PDE1A: variants seen among roughly 807,000 people sequenced by gnomAD.
The protein encoded by PDE1A is dual specificity calcium/calmodulin-dependent 3',5'-cyclic nucleotide phosphodiesterase 1A.
Under a neutral mutation model 61.7 loss-of-function variants are expected in PDE1A, and 35 were observed. The ratio of observed to expected loss-of-function variants is 0.57; its 90% CI spans 0.43 to 0.75. The LOEUF (loss-of-function observed/expected upper bound fraction) is 0.75. Ranked by LOEUF, PDE1A falls within the 30% of genes least tolerant of loss-of-function variation. The probability of loss-of-function intolerance (pLI) is 0.00; values close to 1 mark genes in which losing one functional copy is unlikely to be tolerated. For missense variants in PDE1A, 597 were observed against 630.6 expected, an observed-to-expected ratio of 0.95 and a Z score of 0.57; for synonymous variants, 232 against 213.2, an observed-to-expected ratio of 1.09 and a Z score of -0.77.
Position 182,318,731 on chromosome 2 carries a change from T to C in PDE1A, c.54-54317A>G, listed in dbSNP as rs574248755. 5.9e-5 allele frequency among the ~76,000 whole-genome samples: 9 copies of C among 152,284 alleles called. No individual in the cohort carries two copies. In the South Asian group the frequency reaches 1.5e-3, roughly 25 times the overall value. ...GGAAAGGAATAGCTTTGCAGCAACATGATAATTCTCTGTGACTTCTAAAAT... is the reference window on the plus strand; with the variant it reads ...GGAAAGGAATAGCTTTGCAGCAACACGATAATTCTCTGTGACTTCTAAAAT... On this transcript the variant is annotated intron_variant, in intron 1 of 13. Transcript: ENST00000351439.
rs115602789 is a variant in PDE1A at position 182,500,737 on chromosome 2, G to A, written c.101+21539C>T. Among the ~76,000 whole-genome samples, 506 of 152,188 alleles carry A rather than the reference G, an allele frequency of 3.3e-3. 8 individuals are homozygous for A. The highest frequency in any genetic ancestry group is 0.012 in the African/African-American group (484 of 41,536). ...AAAACAGAAGATTCCATTTCCAAAA[G>A]GCCAAAAGTAGATGTAAAATCTATC... On this transcript the variant is annotated intron_variant, in intron 2 of 14. Transcript: ENST00000410103.
intron 2 of PDE1A, among the ~76,000 whole-genome samples, chr2:182,515,708 C>T (rs1346452518): frequency 6.6e-6 from 1 of 152,164 alleles, no homozygotes. Context: ...CAGTCACATA[C>T]TGAACAACAT....
intron 2 of PDE1A, among the ~76,000 whole-genome samples, chr2:182,477,696 A>G (rs1237644682): frequency 1.3e-5 from 2 of 151,948 alleles, no homozygotes; most frequent in African/African-American, 4.8e-5. Flanking sequence ...AGACATAGAG[A>G]GCATTATCAC....
chr2:182,565,398 G>T, the PDE1A span, among the ~76,000 whole-genome samples: 1 of 152,162 alleles, frequency 6.6e-6, no homozygotes, highest in Non-Finnish European at 1.5e-5. Flanking sequence ...GCTGCTGTCT[G>T]ATTGTTCCTC....
chr2:182,479,110 A>G (rs1170413393), intron 2 of PDE1A, among the ~76,000 whole-genome samples: 1 of 151,928 alleles, frequency 6.6e-6, no homozygotes, highest in Non-Finnish European at 1.5e-5. Flanking sequence ...AAATGCAAAT[A>G]TATGTGAATA....
At chr2:182,457,843 G>A (rs1226048796) in intron 2 of PDE1A, among the ~76,000 whole-genome samples, 1 of 151,984 alleles carries the variant, frequency 6.6e-6, no homozygotes, top group East Asian at 1.9e-4. Context: ...AATTTAAAAT[G>A]GTTACAGTAA....
the PDE1A span, among the ~76,000 whole-genome samples, chr2:182,584,650 G>A: frequency 6.6e-6 from 1 of 152,194 alleles, no homozygotes; most frequent in East Asian, 1.9e-4. Flanking sequence ...GACAGTATGT[G>A]CCAGAGAAGA....
At chr2:182,205,424 C>T (rs1317474707) in intron 8 of PDE1A, among the ~76,000 whole-genome samples, 1 of 151,716 alleles carries the variant, frequency 6.6e-6, no homozygotes, top group Non-Finnish European at 1.5e-5. Flanking sequence ...ATCAATATAC[C>T]ATGTAATTTT....
chr2:182,589,628 C>T, the PDE1A span, among the ~76,000 whole-genome samples: 78 of 152,252 alleles, frequency 5.1e-4, no homozygotes, highest in African/African-American at 1.8e-3. Flanking sequence ...TGCAATCCCA[C>T]GAAAAATGCT....
At chr2:182,231,213 C>T (rs1421579245) in intron 4 of PDE1A, 82 bp from the exon 5 acceptor site, 9 of 745,284 alleles carry the variant, frequency 1.2e-5, no homozygotes, top group Middle Eastern at 2.8e-4. Context: ...AGGCATTGTA[C>T]ATTTAGCAGG....
At chr2:182,431,842 A>T (rs1430279409), upstream of PDE1A, among the ~76,000 whole-genome samples, 1 of 152,040 alleles carries the variant, frequency 6.6e-6, no homozygotes, top group Non-Finnish European at 1.5e-5. Flanking sequence ...AAGAAGAAAC[A>T]ACTTACCACT....
At chr2:182,147,481 A>G (rs930477142) in intron 13 of PDE1A, among the ~76,000 whole-genome samples, 3 of 152,218 alleles carry the variant, frequency 2.0e-5, no homozygotes, top group Admixed American at 6.5e-5. Flanking sequence ...TAATTGGAAC[A>G]AATTCCTTTA....
intron 10 of PDE1A, among the ~76,000 whole-genome samples, chr2:182,193,014 G>A (rs909751157): frequency 1.3e-5 from 2 of 151,966 alleles, no homozygotes; most frequent in African/African-American, 2.4e-5. Flanking sequence ...CTTGAGAGGA[G>A]TCTCACTCTG....
chr2:182,561,484 C>A, the PDE1A span, among the ~76,000 whole-genome samples: 57 of 152,086 alleles, frequency 3.7e-4, no homozygotes, highest in Non-Finnish European at 7.2e-4. Context: ...TGAAGTCAGG[C>A]AGCATGATGC....
intron 1 of PDE1A, among the ~76,000 whole-genome samples, chr2:182,400,096 C>A (rs191210009): frequency 8.1e-4 from 124 of 152,214 alleles, no homozygotes; most frequent in African/African-American, 2.9e-3. Context: ...CCACTGGCTA[C>A]TATTGAAGAT....
At chr2:182,400,208 A>G (rs1022454452) in intron 1 of PDE1A, among the ~76,000 whole-genome samples, 1 of 152,014 alleles carries the variant, frequency 6.6e-6, no homozygotes, top group African/African-American at 2.4e-5. Flanking sequence ...TCCTTTTCCC[A>G]TGATAAAAGA....
At chr2:182,364,477 A>AAAC (rs1699710626) in intron 1 of PDE1A, among the ~76,000 whole-genome samples, 1 of 132,880 alleles carries the variant, frequency 7.5e-6, no homozygotes, top group African/African-American at 2.6e-5. Flanking sequence ...AAAAAAAAAA[A>AAAC]AAAAAAAAAA....
At chr2:182,451,422 A>G (rs921369811) in intron 2 of PDE1A, among the ~76,000 whole-genome samples, 3 of 151,966 alleles carry the variant, frequency 2.0e-5, no homozygotes, top group African/African-American at 7.3e-5. Flanking sequence ...ACAAATGCAT[A>G]AAGTATTAGT....
At chr2:182,346,583 A>G (rs765813848) in intron 1 of PDE1A, among the ~76,000 whole-genome samples, 2 of 147,238 alleles carry the variant, frequency 1.4e-5, no homozygotes, top group Non-Finnish European at 3.0e-5. Context: ...CTAAAGGTAT[A>G]AAAGAGTATA....
Sources: gnomAD v4.1 joint callset for allele counts (sites outside exome capture counted in the v4.1 genomes callset) on GRCh38, gnomAD v4.1.1 for gene constraint, MANE v1.5 for transcripts, NCBI Gene and HGNC (gene_info 2026-07-23, HGNC 2026-07-21) for gene names.